The following ARSB variants were observed in gnomAD, a reference collection of about 807,000 sequenced individuals.
The protein encoded by ARSB is N-acetylgalactosamine-4-sulfatase.
Under a neutral mutation model 50.9 loss-of-function variants are expected in ARSB, and 41 were observed. The ratio of observed to expected loss-of-function variants is 0.81; its 90% confidence interval spans 0.63 to 1.04. ARSB has a LOEUF of 1.04. Ranked by LOEUF, ARSB falls within the 50% of genes least tolerant of loss-of-function variation. The pLI is 0.00. For synonymous variants in ARSB, 269 were observed against 284.8 expected (o/e 0.94, Z 0.56); for missense variants, 672 against 693.3 (o/e 0.97, Z 0.35).
chr5:78,969,834 G>T (rs1752374612), intron 1 of ARSB, among the ~76,000 whole-genome samples: 1 of 152,188 alleles, frequency 6.6e-6, no homozygotes, highest in South Asian at 2.1e-4. Flanking sequence ...GGCCAGGCTG[G>T]TCTCGAACTC....
intron 4 of ARSB, among the ~76,000 whole-genome samples, chr5:78,900,616 G>T (rs965436845): frequency 2.6e-5 from 4 of 152,136 alleles, no homozygotes; most frequent in Non-Finnish European, 4.4e-5. Context: ...ACTCTGGGTT[G>T]TTGCTGGTGA....
intron 5 of ARSB, among the ~76,000 whole-genome samples, chr5:78,881,672 A>G (rs962677794): frequency 6.6e-6 from 1 of 152,248 alleles, no homozygotes; most frequent in African/African-American, 2.4e-5. Context: ...AAAAAGCTTG[A>G]TAAGGAAAAG....
chr5:78,952,828 A>T (rs905707242), intron 4 of ARSB, among the ~76,000 whole-genome samples: 1 of 152,194 alleles, frequency 6.6e-6, no homozygotes, highest in Non-Finnish European at 1.5e-5. Flanking sequence ...TAGAACAAAG[A>T]CTTGTTTTAT....
At chr5:78,848,782 T>C (rs111338075) in intron 5 of ARSB, among the ~76,000 whole-genome samples, 48 of 152,362 alleles carry the variant, frequency 3.2e-4, no homozygotes, top group African/African-American at 3.8e-4. Context: ...TGAGACGGTA[T>C]CTCATTGTGG....
chr5:78,907,958 G>A (rs1749141248), intron 4 of ARSB, among the ~76,000 whole-genome samples: 1 of 152,180 alleles, frequency 6.6e-6, no homozygotes, highest in Non-Finnish European at 1.5e-5. Flanking sequence ...ATTAAAAGCA[G>A]GGGGAAGGGG....
chr5:78,785,071 T>G (rs1749042183), intron 6 of ARSB, among the ~76,000 whole-genome samples: 1 of 152,230 alleles, frequency 6.6e-6, no homozygotes, highest in Non-Finnish European at 1.5e-5. Flanking sequence ...GTGCTGGGAT[T>G]ACAGGCGTGA....
intron 6 of ARSB, among the ~76,000 whole-genome samples, chr5:78,808,542 A>G (rs1408607063): frequency 6.6e-6 from 1 of 152,136 alleles, no homozygotes; most frequent in Non-Finnish European, 1.5e-5. Context: ...ATGCTGTTCT[A>G]GAGCACGTAG....
At chr5:78,789,210 C>T (rs1216018333) in intron 6 of ARSB, among the ~76,000 whole-genome samples, 2 of 152,098 alleles carry the variant, frequency 1.3e-5, no homozygotes, top group East Asian at 1.9e-4. Flanking sequence ...TGTTGGAAAA[C>T]ACAGAAAAAC....
At chr5:78,899,455 G>A (rs1748707901) in intron 4 of ARSB, among the ~76,000 whole-genome samples, 1 of 152,126 alleles carries the variant, frequency 6.6e-6, no homozygotes, top group Non-Finnish European at 1.5e-5. Context: ...GTAATTCTTA[G>A]ATTTGGTCTT....
intron 4 of ARSB, among the ~76,000 whole-genome samples, chr5:78,932,790 T>C (rs1410514239): frequency 6.6e-6 from 1 of 152,238 alleles, no homozygotes; most frequent in Non-Finnish European, 1.5e-5. Flanking sequence ...AATTTTTGGT[T>C]GTTACTGTCA....
At position 78,985,148 on chromosome 5, in the gene ARSB, G is replaced by A. The variant is rs1753125870; in HGVS notation, c.101C>T (p.Pro34Leu). The change falls in exon 1 of 8, where the codon CCG becomes CTG. Residue 34 changes from proline (P) to leucine (L), a missense_variant. Coordinates refer to ENST00000264914, the MANE Select transcript of ARSB (RefSeq NM_000046.5). ...GCTGGCCCCGGCGCCCGAGCCCGGC[G>A]GCGCCAACAACAGCAGCAGCAGCAG... ...LPLLLLLLLAPPGSGAGASRP... is the reference protein window; with the variant it reads ...LPLLLLLLLALPGSGAGASRP... 1 of 1,457,690 alleles carries A rather than the reference G, an allele frequency of 6.9e-7. No individual in the cohort carries two copies. The highest frequency in any genetic ancestry group is 2.4e-5 in the Admixed American group (1 of 40,934). 90.3% of individuals were successfully genotyped at this position (1,457,690 alleles called of 1,614,324 possible). A position where few individuals can be genotyped will look rare whatever the true frequency, so the allele number is the denominator to read the frequency against.
rs141685855 is a variant in ARSB at position 78,881,200 on chromosome 5, C to T, written c.1142+4384G>A. Among the ~76,000 whole-genome samples, 19 of 151,984 alleles carry T rather than the reference C, an allele frequency of 1.3e-4. No individual in the cohort carries two copies. The East Asian group carries it at 1.5e-3, about 12-fold the overall frequency. On this transcript the variant is annotated intron_variant, in intron 5 of 7. Transcript: ENST00000264914. Reference sequence around the variant, plus strand: ...TGAGCCAAGATCATATCACTGCACTCCAGTCTGGGTGACAGAGCAAGACTC... The same window carrying T: ...TGAGCCAAGATCATATCACTGCACTTCAGTCTGGGTGACAGAGCAAGACTC...
At chr5:78,949,300 T>C (rs1263303659) in intron 4 of ARSB, among the ~76,000 whole-genome samples, 5 of 152,216 alleles carry the variant, frequency 3.3e-5, no homozygotes, top group Admixed American at 1.3e-4. Flanking sequence ...GGAAGCTAGA[T>C]TGTTTTCATG....
intron 6 of ARSB, among the ~76,000 whole-genome samples, chr5:78,831,277 AC>A: frequency 6.6e-6 from 1 of 151,912 alleles, no homozygotes; most frequent in East Asian, 1.9e-4. Context: ...GCTTTCTGGC[AC>A]CCCCAAACTC....
chr5:78,941,502 A>G (rs1317786255), intron 4 of ARSB, among the ~76,000 whole-genome samples: 3 of 152,116 alleles, frequency 2.0e-5, no homozygotes, highest in Admixed American at 6.5e-5. Context: ...GGGTTGTTGA[A>G]TTTTGTCAAA....
chr5:78,975,319 CCTT>C (rs1752619043), intron 1 of ARSB, among the ~76,000 whole-genome samples: 1 of 152,190 alleles, frequency 6.6e-6, no homozygotes, highest in Non-Finnish European at 1.5e-5. Context: ...TTCCTGCTCA[CCTT>C]CTTGAAGCAA....
At chr5:78,839,653 A>C (rs1311694229) in intron 5 of ARSB, among the ~76,000 whole-genome samples, 1 of 152,208 alleles carries the variant, frequency 6.6e-6, no homozygotes, top group Non-Finnish European at 1.5e-5. Flanking sequence ...AAGCATATGA[A>C]GATATTTTAA....
intron 1 of ARSB, among the ~76,000 whole-genome samples, chr5:78,979,211 T>C (rs1752793142): frequency 6.6e-6 from 1 of 152,052 alleles, no homozygotes; most frequent in African/African-American, 2.4e-5. Context: ...GACATAAAAA[T>C]GATCAATAAG....
chr5:78,819,873 C>T (rs753525632), intron 6 of ARSB, among the ~76,000 whole-genome samples: 2 of 152,262 alleles, frequency 1.3e-5, no homozygotes, highest in Non-Finnish European at 2.9e-5. Flanking sequence ...GAAAAGGAGC[C>T]AAGGGATTCA....
Sources: gnomAD v4.1 joint callset for allele counts (sites outside exome capture counted in the v4.1 genomes callset) on GRCh38, gnomAD v4.1.1 for gene constraint, MANE v1.5 for transcripts, NCBI Gene and HGNC (gene_info 2026-07-23, HGNC 2026-07-21) for gene names.